The following SAMD5 variants were observed in gnomAD, a reference collection of about 807,000 sequenced individuals.
SAMD5 encodes sterile alpha motif domain-containing protein 5.
Under a neutral mutation model 11.3 loss-of-function variants are expected in SAMD5, and 13 were observed. The observed-to-expected ratio is 1.15, with a 90% CI of 0.75 to 1.83. SAMD5 has a LOEUF of 1.83. Among genes scored for constraint, SAMD5 ranks in the 40% most tolerant of loss-of-function variants. The probability of loss-of-function intolerance (pLI) is 0.00; values close to 1 mark genes in which losing one functional copy is unlikely to be tolerated. For missense variants in SAMD5, 255 were observed against 239.1 expected (o/e 1.07, Z -0.44); for synonymous variants, 129 against 111.3 (o/e 1.16, Z -1.00).
intron 1 of SAMD5, among the ~76,000 whole-genome samples, chr6:147,593,538 A>G (rs974537031): frequency 1.3e-5 from 2 of 152,170 alleles, no homozygotes; most frequent in Non-Finnish European, 2.9e-5. Context: ...AATAGTAACC[A>G]ATGCCCCAGC....
At chr6:147,587,167 A>G (rs1421983012) in intron 1 of SAMD5, among the ~76,000 whole-genome samples, 4 of 152,138 alleles carry the variant, frequency 2.6e-5, no homozygotes, top group African/African-American at 9.7e-5. Flanking sequence ...TCTCATCACT[A>G]TATTCTCAGC....
the SAMD5 span, among the ~76,000 whole-genome samples, chr6:147,817,176 G>A: frequency 2.0e-5 from 3 of 152,144 alleles, no homozygotes; most frequent in African/African-American, 7.2e-5. Context: ...CTACCATGAT[G>A]TAAATTCCCT....
chr6:147,913,381 T>C, the SAMD5 span, among the ~76,000 whole-genome samples: 1 of 152,086 alleles, frequency 6.6e-6, no homozygotes, highest in Non-Finnish European at 1.5e-5. Flanking sequence ...AACACATACA[T>C]GAGGAAGAAG....
At chr6:147,624,336 A>T (rs1438046060) in intron 1 of SAMD5, among the ~76,000 whole-genome samples, 2 of 117,008 alleles carry the variant, frequency 1.7e-5, no homozygotes, top group Non-Finnish European at 3.6e-5. Flanking sequence ...CCCACCCCCC[A>T]GGGGATGTGG....
At chr6:147,727,448 T>G (rs1391658342) in intron 1 of SAMD5, among the ~76,000 whole-genome samples, 1 of 152,196 alleles carries the variant, frequency 6.6e-6, no homozygotes, top group Non-Finnish European at 1.5e-5. Context: ...TCTGGTAGTG[T>G]TTTCCCACTA....
chr6:147,737,972 A>G (rs1791829243), downstream of SAMD5, among the ~76,000 whole-genome samples: 1 of 152,192 alleles, frequency 6.6e-6, no homozygotes, highest in South Asian at 2.1e-4. Context: ...GATCAAAACA[A>G]TAACAGTTAA....
chr6:147,776,743 G>A, the SAMD5 span, among the ~76,000 whole-genome samples: 4 of 152,094 alleles, frequency 2.6e-5, no homozygotes, highest in East Asian at 3.9e-4. Flanking sequence ...TTTTAAATGC[G>A]GTGACAAGGG....
chr6:147,695,050 A>G lies in SAMD5; in HGVS notation c.163-42267A>G, dbSNP rs933220352. Among the ~76,000 whole-genome samples, 11 of 152,300 alleles carry G rather than the reference A, an allele frequency of 7.2e-5. No individual in the cohort carries two copies. The East Asian group carries it at 1.9e-3, about 27-fold the overall frequency. On this transcript the variant is annotated intron_variant, in intron 1 of 1. Coordinates refer to the SAMD5 transcript ENST00000566741. The stretch of plus-strand genomic sequence containing the variant: ...AGCTCTGTCATTGTCTGAATTTTGA[A>G]GGCTCATCCCATCTGTCTTCTATCT...
the SAMD5 span, among the ~76,000 whole-genome samples, chr6:147,889,724 AACAC>A: frequency 6.6e-6 from 1 of 152,212 alleles, no homozygotes; most frequent in Non-Finnish European, 1.5e-5. Context: ...AGCTGTTGAG[AACAC>A]ACACTACTCC....
chr6:147,572,207 A>G (rs1391796895), downstream of SAMD5, among the ~76,000 whole-genome samples: 1 of 151,132 alleles, frequency 6.6e-6, no homozygotes, highest in Non-Finnish European at 1.5e-5. Context: ...GGCATTTCCT[A>G]TTTTCGGGGA....
At position 147,733,757 on chromosome 6, in the gene SAMD5, A is replaced by G. The variant is rs1045584877; in HGVS notation, c.163-3560A>G. The G allele has an allele frequency of 5.6e-5, 54 of 969,994 alleles. No individual in the cohort carries two copies. The African/African-American group carries it at 8.6e-4, about 15-fold the overall frequency. The allele number at this position is 969,994 out of a possible 1,614,324, so 60.1% of individuals were successfully genotyped here. On this transcript the variant is annotated intron_variant, in intron 1 of 1. Transcript: ENST00000566741. The stretch of plus-strand genomic sequence containing the variant: ...TTAAAATTATGGAAATTCTTCAGGC[A>G]GAAAATGGGCACATATGGTTATCAC...
At chr6:147,606,013 C>A (rs1789694394) in intron 1 of SAMD5, among the ~76,000 whole-genome samples, 1 of 151,940 alleles carries the variant, frequency 6.6e-6, no homozygotes, top group Non-Finnish European at 1.5e-5. Flanking sequence ...TTCAAAAACT[C>A]TGGGATTATC....
chr6:147,630,022 T>G (rs1040758794), intron 1 of SAMD5, among the ~76,000 whole-genome samples: 7 of 149,466 alleles, frequency 4.7e-5, no homozygotes, highest in Non-Finnish European at 1.0e-4. Flanking sequence ...TGACCTCCGC[T>G]CACCACAACC....
chr6:147,663,871 G>C (rs931921594), intron 1 of SAMD5, among the ~76,000 whole-genome samples: 1 of 144,604 alleles, frequency 6.9e-6, no homozygotes, highest in Non-Finnish European at 1.5e-5. Context: ...GATCATGACA[G>C]TAATCCATTT....
chr6:147,942,840 T>TTTTTTTTTTTTTTTTTTTC, the SAMD5 span, among the ~76,000 whole-genome samples: 1 of 147,424 alleles, frequency 6.8e-6, no homozygotes, highest in African/African-American at 2.5e-5. Context: ...TTTTTTTTTT[T>TTTTTTTTTTTTTTTTTTTC]CTGAGATGGA....
the SAMD5 span, among the ~76,000 whole-genome samples, chr6:147,936,118 T>C: frequency 2.6e-5 from 4 of 152,228 alleles, no homozygotes; most frequent in South Asian, 8.3e-4. Context: ...TCGATACAGA[T>C]GGGGAAGAGA....
At chr6:147,841,456 A>G in the SAMD5 span, among the ~76,000 whole-genome samples, 1 of 152,230 alleles carries the variant, frequency 6.6e-6, no homozygotes, top group Admixed American at 6.5e-5. Flanking sequence ...GATTAAAGCC[A>G]TCTAGATTTT....
the SAMD5 span, among the ~76,000 whole-genome samples, chr6:147,756,253 T>C: frequency 2.0e-5 from 3 of 152,160 alleles, no homozygotes; most frequent in Non-Finnish European, 4.4e-5. Flanking sequence ...ATACTAAAAC[T>C]GATTTGGGCT....
chr6:147,853,927 T>C, the SAMD5 span, among the ~76,000 whole-genome samples: 1 of 152,192 alleles, frequency 6.6e-6, no homozygotes, highest in Admixed American at 6.6e-5. Flanking sequence ...CCATTATTGC[T>C]TTTTAAAAAA....
Sources: allele counts gnomAD v4.1 joint callset (sites outside exome capture counted in the v4.1 genomes callset), GRCh38; gene constraint gnomAD v4.1.1; transcripts MANE v1.5; gene names NCBI Gene and HGNC (gene_info 2026-07-23, HGNC 2026-07-21).